The following HS6ST3 variants were observed in gnomAD, a reference collection of about 807,000 sequenced individuals.
The protein encoded by HS6ST3 is heparan-sulfate 6-O-sulfotransferase 3.
Under a neutral mutation model 36.7 loss-of-function variants are expected in HS6ST3, and 12 were observed. The observed-to-expected ratio is 0.33, with a 90% CI of 0.21 to 0.53. The LOEUF is 0.53. Ranked by LOEUF, HS6ST3 falls within the 20% of genes least tolerant of loss-of-function variation. The probability of loss-of-function intolerance (pLI) is 0.95; values close to 1 mark genes in which losing one functional copy is unlikely to be tolerated. For synonymous variants in HS6ST3, 240 were observed against 257.5 expected (o/e 0.93, Z 0.65); for missense variants, 584 against 640.9 (o/e 0.91, Z 0.96).
intron 1 of HS6ST3, among the ~76,000 whole-genome samples, chr13:96,211,290 C>T (rs1200900113): frequency 6.6e-6 from 1 of 152,164 alleles, no homozygotes; most frequent in Non-Finnish European, 1.5e-5. Context: ...AAACTTCCAG[C>T]CATGGGTCTT....
chr13:96,364,243 A>G (rs1257237059), intron 1 of HS6ST3, among the ~76,000 whole-genome samples: 1 of 152,170 alleles, frequency 6.6e-6, no homozygotes, highest in Non-Finnish European at 1.5e-5. Context: ...AAAGTTAAAC[A>G]TAGAACTAGC....
chr13:96,374,599 C>A (rs993757), intron 1 of HS6ST3, among the ~76,000 whole-genome samples: 1 of 152,120 alleles, frequency 6.6e-6, no homozygotes, highest in South Asian at 2.1e-4. Context: ...TCTGCAAAGA[C>A]CTTGAGTAGC....
intron 1 of HS6ST3, among the ~76,000 whole-genome samples, chr13:96,716,688 C>A (rs1409906112): frequency 6.6e-6 from 1 of 152,136 alleles, no homozygotes; most frequent in Non-Finnish European, 1.5e-5. Context: ...ATCTATCCAT[C>A]CATCTATATA....
rs551897558 is a variant in HS6ST3 at position 96,162,443 on chromosome 13, A to C, written c.707+70874A>C. Among the ~76,000 whole-genome samples the C allele has an allele frequency of 2.7e-4, 41 of 152,322 alleles. 1 individual carries two copies. The highest frequency in any genetic ancestry group is 9.6e-4 in the African/African-American group (40 of 41,576). On this transcript the variant is annotated intron_variant, in intron 1 of 1. Coordinates refer to ENST00000376705, the MANE Select transcript of HS6ST3 (RefSeq NM_153456.4). ...TACTGGAAGAAAAAAATTTGTGGGCAAAGCGTTTATTTGTTTTGGGACCTT... is the reference window on the plus strand; with the variant it reads ...TACTGGAAGAAAAAAATTTGTGGGCCAAGCGTTTATTTGTTTTGGGACCTT...
intron 1 of HS6ST3, among the ~76,000 whole-genome samples, chr13:96,150,049 G>T (rs1457856513): frequency 1.3e-5 from 2 of 152,158 alleles, no homozygotes; most frequent in African/African-American, 2.4e-5. Flanking sequence ...TGCCTGTTTT[G>T]TTCCTGCCAT....
intron 1 of HS6ST3, among the ~76,000 whole-genome samples, chr13:96,200,689 G>T (rs563825886): frequency 2.0e-4 from 30 of 152,262 alleles, no homozygotes; most frequent in African/African-American, 7.0e-4. Flanking sequence ...TTGAGGGCAA[G>T]AATTTTTGTT....
chr13:96,162,426 GA>G (rs1452891466), intron 1 of HS6ST3, among the ~76,000 whole-genome samples: 1 of 152,152 alleles, frequency 6.6e-6, no homozygotes, highest in African/African-American at 2.4e-5. Flanking sequence ...AATACTGGAA[GA>G]AAAAAATTTG....
At chr13:96,096,470 A>G (rs2053791630) in intron 1 of HS6ST3, among the ~76,000 whole-genome samples, 1 of 152,144 alleles carries the variant, frequency 6.6e-6, no homozygotes, top group Non-Finnish European at 1.5e-5. Flanking sequence ...TTCTAATGTA[A>G]GCTGAGTGTG....
intron 1 of HS6ST3, among the ~76,000 whole-genome samples, chr13:96,682,674 T>C (rs182630669): frequency 1.6e-4 from 25 of 152,234 alleles, no homozygotes; most frequent in Admixed American, 1.6e-3. Context: ...TTAAGGTGAA[T>C]TCATGGTGGA....
At chr13:96,401,532 G>A (rs1313429414) in intron 1 of HS6ST3, among the ~76,000 whole-genome samples, 1 of 152,114 alleles carries the variant, frequency 6.6e-6, no homozygotes, top group Non-Finnish European at 1.5e-5. Context: ...TGTTACAATT[G>A]TCACAAGTAT....
chr13:96,823,049 C>T (rs902104304), intron 1 of HS6ST3, among the ~76,000 whole-genome samples: 7 of 152,344 alleles, frequency 4.6e-5, no homozygotes, highest in Non-Finnish European at 8.8e-5. Flanking sequence ...AGAGCACCTT[C>T]CTCTTCCAGC....
intron 1 of HS6ST3, among the ~76,000 whole-genome samples, chr13:96,240,454 A>T (rs1282843902): frequency 1.3e-5 from 2 of 152,196 alleles, no homozygotes; most frequent in Admixed American, 1.3e-4. Flanking sequence ...TATATTTTTT[A>T]AAAAGTTCCA....
At chr13:96,602,377 T>C (rs2056424785) in intron 1 of HS6ST3, among the ~76,000 whole-genome samples, 1 of 152,226 alleles carries the variant, frequency 6.6e-6, no homozygotes, top group African/African-American at 2.4e-5. Flanking sequence ...GATGTCTGTG[T>C]ATTTTTAATA....
intron 1 of HS6ST3, among the ~76,000 whole-genome samples, chr13:96,593,077 G>T (rs1468360701): frequency 6.7e-6 from 1 of 149,420 alleles, no homozygotes; most frequent in Non-Finnish European, 1.5e-5. Flanking sequence ...TCTTAGATTT[G>T]CCCTTTTTAG....
At chr13:96,559,462 A>G (rs1158933172) in intron 1 of HS6ST3, among the ~76,000 whole-genome samples, 1 of 152,110 alleles carries the variant, frequency 6.6e-6, no homozygotes, top group African/African-American at 2.4e-5. Flanking sequence ...ATATCTTCCC[A>G]ATCCCTCTCT....
intron 1 of HS6ST3, among the ~76,000 whole-genome samples, chr13:96,442,213 C>T (rs2055675174): frequency 6.6e-6 from 1 of 152,078 alleles, no homozygotes; most frequent in Non-Finnish European, 1.5e-5. Context: ...GGAGTTTCAC[C>T]ATGTTGCCCA....
intron 1 of HS6ST3, among the ~76,000 whole-genome samples, chr13:96,275,117 T>C (rs2054741683): frequency 6.6e-6 from 1 of 152,132 alleles, no homozygotes; most frequent in Admixed American, 6.6e-5. Context: ...AAGATACCTA[T>C]GATGAAGGGT....
At chr13:96,098,204 A>T (rs1322628984) in intron 1 of HS6ST3, among the ~76,000 whole-genome samples, 1 of 152,224 alleles carries the variant, frequency 6.6e-6, no homozygotes, top group Non-Finnish European at 1.5e-5. Context: ...CCTCTTGAAA[A>T]GGTTAATGTA....
Position 96,301,100 on chromosome 13 carries a change from C to A in HS6ST3, c.707+209531C>A, listed in dbSNP as rs141975124. 1.9e-4 allele frequency among the ~76,000 whole-genome samples: 29 copies of A among 152,240 alleles called. 1 individual carries two copies. The highest frequency in any genetic ancestry group is 3.3e-4 in the Admixed American group (5 of 15,280). ...TATGCTGAGTTAGTCCCTGTGCAAA[C>A]CAAGATGTATGGTCATCTCTGTGAA... On this transcript the variant is annotated intron_variant, in intron 1 of 1. Transcript: ENST00000376705.
Sources: gnomAD v4.1 joint callset for allele counts (sites outside exome capture counted in the v4.1 genomes callset) on GRCh38, gnomAD v4.1.1 for gene constraint, MANE v1.5 for transcripts, NCBI Gene and HGNC (gene_info 2026-07-23, HGNC 2026-07-21) for gene names.